FBLN7: variants seen among roughly 807,000 people sequenced by gnomAD.
The protein encoded by FBLN7 is fibulin-7.
Under a neutral mutation model 44.0 loss-of-function variants are expected in FBLN7, and 31 were observed. The ratio of observed to expected loss-of-function variants is 0.70; its 90% CI spans 0.53 to 0.95. The LOEUF (loss-of-function observed/expected upper bound fraction) is 0.95. FBLN7 is among the 40% of genes least tolerant of loss of function. The probability of loss-of-function intolerance (pLI) is 0.00; values close to 1 mark genes in which losing one functional copy is unlikely to be tolerated. For missense variants in FBLN7, 573 were observed against 618.5 expected (o/e 0.93, Z 0.78); for synonymous variants, 262 against 253.4 (o/e 1.03, Z -0.32).
Position 112,185,352 on chromosome 2 carries a change from A to G in FBLN7, c.947+13A>G. On this transcript the variant is annotated intron_variant, in intron 7 of 7. Coordinates refer to ENST00000331203, the MANE Select transcript of FBLN7 (RefSeq NM_153214.3). ...AGACGTCTCCATTGTGAGTATCTCCAGGGGAGGCACACCCTCACCCAGGCC... is the reference window on the plus strand; with the variant it reads ...AGACGTCTCCATTGTGAGTATCTCCGGGGGAGGCACACCCTCACCCAGGCC... 6.2e-7 allele frequency: 1 copy of G among 1,609,148 alleles called. No individual in the cohort carries two copies. The highest frequency in any genetic ancestry group is 8.5e-7 in the Non-Finnish European group (1 of 1,176,168).
chr2:112,238,695 GA>G, the FBLN7 span: 2 of 459,630 alleles, frequency 4.4e-6, no homozygotes, highest in Non-Finnish European at 7.3e-6. Flanking sequence ...AAAATTTCCA[GA>G]ATTAAAAAAA....
rs1680456553 is a variant in FBLN7, at chr2:112,138,513, C to T, written c.-143C>T. The T allele has an allele frequency of 8.7e-7, 1 of 1,153,200 alleles. No homozygotes were observed. The highest frequency in any genetic ancestry group is 1.2e-6 in the Non-Finnish European group (1 of 863,166). The allele number at this position is 1,153,200 out of a possible 1,614,324, so 71.4% of individuals were successfully genotyped here. ...GCGGGACGCGCTGCGCTCGGGGCCT[C>T]CCGCCTCCCCCCCTGCCCCAGCCGC... On this transcript the variant is annotated 5_prime_UTR_variant, in exon 1 of 8. Coordinates refer to ENST00000331203, the MANE Select transcript of FBLN7 (RefSeq NM_153214.3).
chr2:112,230,556 G>C, the FBLN7 span: 5 of 153,586 alleles, frequency 3.3e-5, no homozygotes, highest in African/African-American at 1.2e-4. Context: ...ATAATGTTGG[G>C]TGAAAATAGC....
At chr2:112,198,629 G>C in the FBLN7 span, among the ~76,000 whole-genome samples, 1 of 129,142 alleles carries the variant, frequency 7.7e-6, no homozygotes, top group Non-Finnish European at 1.6e-5. Flanking sequence ...GAGTGAGATT[G>C]TCTCAAAAAA....
At chr2:112,185,877 T>C (rs562971227) in intron 7 of FBLN7, among the ~76,000 whole-genome samples, 1 of 152,198 alleles carries the variant, frequency 6.6e-6, no homozygotes, top group South Asian at 2.1e-4. Context: ...GCTTTTTTTT[T>C]TTTTTTTAAA....
In FBLN7 at chr2:112,187,153, T is replaced by TG; in HGVS notation, c.968dup (p.Cys323TrpfsTer116). On this transcript the variant is annotated frameshift_variant, in exon 8 of 8. Coordinates refer to ENST00000331203, the MANE Select transcript of FBLN7 (RefSeq NM_153214.3). LOFTEE classifies it high-confidence loss of function. The surrounding 1 kb of genome is among the most constrained non-coding windows in gnomAD (Gnocchi z 5.1). ...CTCCAGCCAGTGTGAGCGGAACCCCTGCCCCATGGACAGCAGGCCCTGCCG... is the reference window on the plus strand; with the variant it reads ...CTCCAGCCAGTGTGAGCGGAACCCCTGGCCCCATGGACAGCAGGCCCTGCCG... The TG allele has an allele frequency of 6.2e-7, 1 of 1,614,030 alleles. No homozygotes were observed. Among genetic ancestry groups the TG allele is most frequent in the Non-Finnish European group, 8.5e-7 (1 of 1,180,014 alleles).
At chr2:112,191,672 A>G (rs532821739), downstream of FBLN7, among the ~76,000 whole-genome samples, 3 of 152,316 alleles carry the variant, frequency 2.0e-5, no homozygotes, top group African/African-American at 4.8e-5. Context: ...TTGTGTCCTC[A>G]GCATTTATGC....
chr2:112,163,619 G>A (rs751414418), intron 2 of FBLN7, among the ~76,000 whole-genome samples: 6 of 152,124 alleles, frequency 3.9e-5, no homozygotes, highest in Non-Finnish European at 7.3e-5. Flanking sequence ...GCCAGGATTC[G>A]AACCATGTCC....
the FBLN7 span, among the ~76,000 whole-genome samples, chr2:112,227,963 CAAAAGATCCAGAGTAGCCA>C: frequency 6.6e-6 from 1 of 151,700 alleles, no homozygotes. Context: ...TATGGAAAAG[CAAAAGATCCAGAGTAGCCA>C]AAACAATCTT....
chr2:112,230,172 T>C, the FBLN7 span, among the ~76,000 whole-genome samples: 1 of 152,218 alleles, frequency 6.6e-6, no homozygotes, highest in East Asian at 1.9e-4. Context: ...AGTTACGAGA[T>C]TCTATTTTTA....
the FBLN7 span, among the ~76,000 whole-genome samples, chr2:112,206,872 A>G: frequency 6.6e-6 from 1 of 151,344 alleles, no homozygotes; most frequent in Non-Finnish European, 1.5e-5. Context: ...AGCTGGAACC[A>G]CAGGTGCACA....
chr2:112,164,183 A>G (rs1415069604), intron 2 of FBLN7, among the ~76,000 whole-genome samples: 1 of 152,208 alleles, frequency 6.6e-6, no homozygotes, highest in Non-Finnish European at 1.5e-5. Flanking sequence ...CCAAGTCCCT[A>G]ATATAGTGCC....
chr2:112,180,922 C>CAAAAA (rs60214148), intron 4 of FBLN7, among the ~76,000 whole-genome samples: 7 of 74,310 alleles, frequency 9.4e-5, no homozygotes, highest in Admixed American at 1.9e-4. Context: ...GACTCTGTCT[C>CAAAAA]AAAAAAAAAA....
At chr2:112,140,958 G>A (rs779610060) in intron 1 of FBLN7, among the ~76,000 whole-genome samples, 29 of 152,164 alleles carry the variant, frequency 1.9e-4, no homozygotes, top group Non-Finnish European at 3.5e-4. Context: ...GACCAGATTC[G>A]CTTTTATGTT....
Position 112,138,436 on chromosome 2 carries a change from G to A in FBLN7, c.-220G>A. On this transcript the variant is annotated 5_prime_UTR_variant, in exon 1 of 8. Transcript: ENST00000331203. ...GCCTCGCGCGGACTGTCTCGTGCGG[G>A]CAGCTGCGGGCGCACCTGGACCCTC... 2 of 267,702 alleles carry A rather than the reference G, an allele frequency of 7.5e-6. No homozygotes were observed. The highest frequency in any genetic ancestry group is 1.3e-5 in the Non-Finnish European group (2 of 152,768). The allele number at this position is 267,702 out of a possible 1,614,324, so 16.6% of individuals were successfully genotyped here. A position where few individuals can be genotyped will look rare whatever the true frequency, so the allele number is the denominator to read the frequency against.
At chr2:112,159,225 T>G (rs1371818386) in intron 1 of FBLN7, among the ~76,000 whole-genome samples, 1 of 152,048 alleles carries the variant, frequency 6.6e-6, no homozygotes, top group Non-Finnish European at 1.5e-5. Flanking sequence ...GTTATATGTC[T>G]TTAAAGAATA....
chr2:112,150,559 C>T (rs1286969296), intron 1 of FBLN7, among the ~76,000 whole-genome samples: 2 of 152,080 alleles, frequency 1.3e-5, no homozygotes, highest in Admixed American at 6.5e-5. Flanking sequence ...ACAACTATGT[C>T]CTGAGAGGCT....
intron 3 of FBLN7, among the ~76,000 whole-genome samples, chr2:112,167,305 G>A (rs1682210427): frequency 1.3e-5 from 2 of 152,208 alleles, no homozygotes. Flanking sequence ...ACATAGTCGT[G>A]AGAAGTGACT....
In FBLN7 at chr2:112,160,720, GCGCACACGCA is replaced by G. The variant is rs1173481994; in HGVS notation, c.235+897_235+906del. On this transcript the variant is annotated intron_variant, in intron 2 of 7. Coordinates refer to ENST00000331203, the MANE Select transcript of FBLN7 (RefSeq NM_153214.3). ...CACACGCACGCACACACACAAGCAC[GCGCACACGCA>G]CGCACACGCACACACGCGCACGCAC... is the stretch of plus-strand genomic sequence containing the variant. 2.5e-4 allele frequency among the ~76,000 whole-genome samples: 33 copies of G among 130,962 alleles called. 1 individual carries two copies. The South Asian group carries it at 2.8e-3, about 11-fold the overall frequency. 85.9% of individuals were successfully genotyped at this position (130,962 alleles called of 152,430 possible).
Sources: allele counts gnomAD v4.1 joint callset (sites outside exome capture counted in the v4.1 genomes callset), GRCh38; gene constraint gnomAD v4.1.1; non-coding constraint Gnocchi (gnomAD v3.1); transcripts MANE v1.5; gene names NCBI Gene and HGNC (gene_info 2026-07-23, HGNC 2026-07-21).